The following TENM3 variants were observed in gnomAD, a reference collection of about 807,000 sequenced individuals.
TENM3 encodes teneurin-3.
In TENM3, 63 loss-of-function variants were observed where a neutral mutation model predicts 255.1. That is an observed-to-expected ratio of 0.25 (90% CI 0.20 to 0.30). The LOEUF (loss-of-function observed/expected upper bound fraction) is 0.30. Among genes scored for constraint, TENM3 ranks in the 10% least tolerant of loss-of-function variants. The pLI is 1.00. For missense variants in TENM3, 2,929 were observed against 3,461.1 expected, an observed-to-expected ratio of 0.85 and a Z score of 3.86; for synonymous variants, 1,306 against 1,322.3, an observed-to-expected ratio of 0.99 and a Z score of 0.27.
chr4:181,801,649 AAAATATATATATATATAT>A, the TENM3 span, among the ~76,000 whole-genome samples: 145 of 113,414 alleles, frequency 1.3e-3, no homozygotes, highest in Middle Eastern at 4.4e-3. Flanking sequence ...AAAGAATTGT[AAAATATATATATATATAT>A]ATATATATAT....
At chr4:182,153,214 T>C (rs1750466591) in intron 1 of TENM3, among the ~76,000 whole-genome samples, 1 of 151,990 alleles carries the variant, frequency 6.6e-6, no homozygotes, top group African/African-American at 2.4e-5. Flanking sequence ...ATTCTGGTGT[T>C]CTAAAAATTA....
At chr4:182,533,652 A>G (rs1464892892) in intron 3 of TENM3, among the ~76,000 whole-genome samples, 3 of 152,038 alleles carry the variant, frequency 2.0e-5, no homozygotes, top group Non-Finnish European at 4.4e-5. Context: ...TTTTTGCAAT[A>G]TAAAAGGTTG....
intron 27 of TENM3, among the ~76,000 whole-genome samples, chr4:182,798,037 T>TA (rs200056705): frequency 7.2e-5 from 11 of 151,796 alleles, no homozygotes; most frequent in East Asian, 1.9e-4. Context: ...ATCATATATA[T>TA]TTTTTTTTAA....
chr4:182,020,279 T>C, the TENM3 span, among the ~76,000 whole-genome samples: 1 of 151,922 alleles, frequency 6.6e-6, no homozygotes, highest in Admixed American at 6.6e-5. Flanking sequence ...GGCAGGAGAA[T>C]TGCTTGAACC....
At chr4:182,662,669 T>C (rs1010976219) in intron 6 of TENM3, among the ~76,000 whole-genome samples, 2 of 152,200 alleles carry the variant, frequency 1.3e-5, no homozygotes, top group African/African-American at 2.4e-5. Context: ...TTATTTCTTC[T>C]GAAGCCAAAG....
chr4:182,157,732 G>C (rs1458709576), intron 1 of TENM3, among the ~76,000 whole-genome samples: 1 of 152,142 alleles, frequency 6.6e-6, no homozygotes, highest in African/African-American at 2.4e-5. Flanking sequence ...GGAGACTATA[G>C]ATCTCTGGAA....
At chr4:182,549,739 A>G (rs1293016848) in intron 3 of TENM3, among the ~76,000 whole-genome samples, 1 of 152,230 alleles carries the variant, frequency 6.6e-6, no homozygotes, top group African/African-American at 2.4e-5. Flanking sequence ...TGGCCTTTCT[A>G]ATAATACAAA....
chr4:181,658,579 C>A, the TENM3 span, among the ~76,000 whole-genome samples: 1 of 152,300 alleles, frequency 6.6e-6, no homozygotes, highest in East Asian at 1.9e-4. Flanking sequence ...TTGCTGCATA[C>A]AAATCCTGTT....
At chr4:182,539,669 C>G (rs1180236268) in intron 3 of TENM3, among the ~76,000 whole-genome samples, 1 of 152,198 alleles carries the variant, frequency 6.6e-6, no homozygotes, top group African/African-American at 2.4e-5. Flanking sequence ...AATTTCTCCT[C>G]TAAGCACAAC....
the TENM3 span, among the ~76,000 whole-genome samples, chr4:181,960,315 T>C: frequency 2.6e-5 from 4 of 152,196 alleles, no homozygotes; most frequent in African/African-American, 9.7e-5. Context: ...CTCTCAATAA[T>C]AGGACTTTTT....
At chr4:181,624,374 A>T in the TENM3 span, among the ~76,000 whole-genome samples, 1 of 152,228 alleles carries the variant, frequency 6.6e-6, no homozygotes. Context: ...AGTAAATCCC[A>T]TGGCCACATC....
intron 4 of TENM3, among the ~76,000 whole-genome samples, chr4:182,627,969 G>C (rs1750991581): frequency 6.6e-6 from 1 of 152,242 alleles, no homozygotes; most frequent in East Asian, 1.9e-4. Context: ...TAGGTTTGGT[G>C]TTAGAAGATG....
At chr4:182,497,847 CATATATATATATATATATATATATAT>C (rs56170155) in intron 3 of TENM3, among the ~76,000 whole-genome samples, 2 of 135,638 alleles carry the variant, frequency 1.5e-5, no homozygotes, top group African/African-American at 3.3e-5. Flanking sequence ...ACTAAAAATA[CATATATATATATATATATATATATAT>C]ATATATATAT....
chr4:182,729,338 A>G (rs929990418), intron 14 of TENM3, among the ~76,000 whole-genome samples, 157 bp downstream of exon 14: 1 of 152,228 alleles, frequency 6.6e-6, no homozygotes, highest in South Asian at 2.1e-4. Flanking sequence ...TTTGTATTTC[A>G]AGCATTTTTG....
the TENM3 span, among the ~76,000 whole-genome samples, chr4:182,128,920 T>C: frequency 7.2e-6 from 1 of 137,956 alleles, no homozygotes; most frequent in Non-Finnish European, 1.5e-5. Flanking sequence ...CAAAATGTAA[T>C]AGACTTTTTT....
the TENM3 span, among the ~76,000 whole-genome samples, chr4:181,946,015 C>T: frequency 6.6e-6 from 1 of 152,112 alleles, no homozygotes; most frequent in Non-Finnish European, 1.5e-5. Context: ...GGTCTCTTTT[C>T]CTATTTATCA....
At chr4:182,030,000 C>CTTTTTTTTTTTT in the TENM3 span, among the ~76,000 whole-genome samples, 3 of 83,448 alleles carry the variant, frequency 3.6e-5, 1 homozygote, top group African/African-American at 4.7e-5. Context: ...CATCTCTCTC[C>CTTTTTTTTTTTT]TTTTTTTCTT....
At chr4:182,132,684 G>C in the TENM3 span, among the ~76,000 whole-genome samples, 1 of 152,104 alleles carries the variant, frequency 6.6e-6, no homozygotes, top group South Asian at 2.1e-4. Flanking sequence ...TCACATTGGC[G>C]TGTATATGTG....
chr4:181,889,568 TG>T, the TENM3 span, among the ~76,000 whole-genome samples: 1 of 152,284 alleles, frequency 6.6e-6, no homozygotes, highest in Admixed American at 6.5e-5. Flanking sequence ...TTAATGATCG[TG>T]GTAGTCGTGG....
Sources: allele counts gnomAD v4.1 joint callset (sites outside exome capture counted in the v4.1 genomes callset), GRCh38; gene constraint gnomAD v4.1.1; transcripts MANE v1.5; gene names NCBI Gene and HGNC (gene_info 2026-07-23, HGNC 2026-07-21).